The following THADA variants were observed in gnomAD, a reference collection of about 807,000 sequenced individuals.
THADA encodes tRNA (32-2'-O)-methyltransferase regulator THADA.
In THADA, 213 loss-of-function variants were observed where a neutral mutation model predicts 219.8. The ratio of observed to expected loss-of-function variants is 0.97; its 90% CI spans 0.87 to 1.09. The LOEUF (loss-of-function observed/expected upper bound fraction) is 1.09, where lower values mean the gene tolerates loss of function less well. THADA is among the 50% of genes least tolerant of loss of function. The probability of loss-of-function intolerance (pLI) is 0.00; values close to 1 mark genes in which losing one functional copy is unlikely to be tolerated. For synonymous variants in THADA, 1,018 were observed against 828.9 expected (o/e 1.23, Z -3.92); for missense variants, 2,956 against 2,311.3 (o/e 1.28, Z -5.72).
At chr2:43,588,846 A>G (rs1009137918) in intron 4 of THADA, among the ~76,000 whole-genome samples, 2 of 152,142 alleles carry the variant, frequency 1.3e-5, no homozygotes, top group East Asian at 3.8e-4. Context: ...ATACACATAT[A>G]TAATTATATA....
At chr2:43,594,810 C>G (rs1468811274) in intron 1 of THADA, among the ~76,000 whole-genome samples, 1 of 152,116 alleles carries the variant, frequency 6.6e-6, no homozygotes, top group Non-Finnish European at 1.5e-5. Flanking sequence ...AAGACTGACT[C>G]CTTCTCACCA....
chr2:43,267,556 G>C (rs1671661408), intron 36 of THADA, among the ~76,000 whole-genome samples: 2 of 152,204 alleles, frequency 1.3e-5, no homozygotes, highest in South Asian at 4.1e-4. Flanking sequence ...CTTTGGCTGA[G>C]ATCTGTGGCA....
intron 25 of THADA, among the ~76,000 whole-genome samples, chr2:43,495,633 AT>A (rs1688175941): frequency 1.3e-5 from 2 of 152,298 alleles, no homozygotes; most frequent in South Asian, 4.2e-4. Context: ...CAAAAAAAAA[AT>A]GAATCACTCA....
chr2:43,483,617 T>C (rs1686517022), intron 26 of THADA, among the ~76,000 whole-genome samples: 1 of 152,140 alleles, frequency 6.6e-6, no homozygotes, highest in South Asian at 2.1e-4. Context: ...GGAATAAATT[T>C]ATAATGGAGG....
At chr2:43,397,002 T>C (rs1674139267) in intron 29 of THADA, among the ~76,000 whole-genome samples, 1 of 152,154 alleles carries the variant, frequency 6.6e-6, no homozygotes, top group Non-Finnish European at 1.5e-5. Context: ...GTTGTATGTA[T>C]TAATTTCCTT....
intron 28 of THADA, among the ~76,000 whole-genome samples, chr2:43,398,767 G>C (rs1352840078): frequency 6.6e-6 from 1 of 152,140 alleles, no homozygotes; most frequent in East Asian, 1.9e-4. Context: ...ATAACGCAGA[G>C]GTTCATGAAT....
chr2:43,241,519 C>A (rs1260006106), intron 36 of THADA, among the ~76,000 whole-genome samples: 5 of 148,604 alleles, frequency 3.4e-5, no homozygotes, highest in Non-Finnish European at 7.5e-5. Flanking sequence ...TCCCTTTGCA[C>A]CCCTGTCTGG....
chr2:43,238,626 A>G (rs1227431777), intron 36 of THADA, among the ~76,000 whole-genome samples: 1 of 152,222 alleles, frequency 6.6e-6, no homozygotes, highest in African/African-American at 2.4e-5. Context: ...TAAGAGAGAG[A>G]AAAAAGACAC....
intron 10 of THADA, among the ~76,000 whole-genome samples, chr2:43,576,238 T>A (rs1164493562): frequency 6.6e-6 from 1 of 152,250 alleles, no homozygotes; most frequent in East Asian, 1.9e-4. Flanking sequence ...TAAAAAATTA[T>A]TTTAGTTTTC....
At chr2:43,511,845 C>T (rs1428334149) in intron 22 of THADA, among the ~76,000 whole-genome samples, 1 of 152,086 alleles carries the variant, frequency 6.6e-6, no homozygotes, top group African/African-American at 2.4e-5. Flanking sequence ...CATGGAAGGG[C>T]TGGAATCTGA....
intron 28 of THADA, among the ~76,000 whole-genome samples, chr2:43,402,337 G>C (rs1414964119): frequency 3.9e-5 from 6 of 152,172 alleles, no homozygotes; most frequent in Admixed American, 2.0e-4. Flanking sequence ...GCAGAGCTGA[G>C]ACAATTTTCT....
chr2:43,441,566 G>A (rs1345429945), intron 26 of THADA, among the ~76,000 whole-genome samples: 1 of 152,194 alleles, frequency 6.6e-6, no homozygotes, highest in African/African-American at 2.4e-5. Flanking sequence ...AAGGTCTACT[G>A]TAGACTCTAC....
chr2:43,545,913 T>C (rs1227439629), intron 20 of THADA, among the ~76,000 whole-genome samples: 3 of 152,152 alleles, frequency 2.0e-5, no homozygotes, highest in African/African-American at 7.2e-5. Flanking sequence ...TGCCTTCTGC[T>C]AGCTTTTGAA....
At chr2:43,581,051 G>C (rs1012297583) in intron 8 of THADA, among the ~76,000 whole-genome samples, 2 of 152,142 alleles carry the variant, frequency 1.3e-5, no homozygotes, top group African/African-American at 2.4e-5. Context: ...TAGAATGGGA[G>C]GTGAAGAGAG....
At chr2:43,261,619 G>A (rs1042155884) in intron 36 of THADA, among the ~76,000 whole-genome samples, 6 of 148,094 alleles carry the variant, frequency 4.1e-5, no homozygotes, top group African/African-American at 1.5e-4. Flanking sequence ...TGCCACTAAT[G>A]CCTGGCTATT....
chr2:43,508,383 C>T (rs946862116), intron 23 of THADA, among the ~76,000 whole-genome samples: 1 of 152,088 alleles, frequency 6.6e-6, no homozygotes, highest in South Asian at 2.1e-4. Flanking sequence ...ACAGTGATGT[C>T]TGCCTACTTA....
intron 28 of THADA, among the ~76,000 whole-genome samples, chr2:43,403,354 T>C (rs17030752): frequency 0.22 from 33,653 of 152,162 alleles, 3,887 homozygotes; most frequent in South Asian, 0.3. Context: ...ATGCTGATAA[T>C]AGCTAACATC....
chr2:43,467,745 C>A (rs1292685222), intron 26 of THADA, among the ~76,000 whole-genome samples: 5 of 152,162 alleles, frequency 3.3e-5, no homozygotes, highest in African/African-American at 1.2e-4. Context: ...AGCTTGACAA[C>A]AGTCTTAAAA....
At chr2:43,367,584 A>C (rs1670307697) in intron 29 of THADA, among the ~76,000 whole-genome samples, 1 of 152,226 alleles carries the variant, frequency 6.6e-6, no homozygotes, top group African/African-American at 2.4e-5. Context: ...TTATCAAAAC[A>C]AAAAACAAAA....
Sources: gnomAD v4.1 joint callset for allele counts (sites outside exome capture counted in the v4.1 genomes callset) on GRCh38, gnomAD v4.1.1 for gene constraint, MANE v1.5 for transcripts, NCBI Gene and HGNC (gene_info 2026-07-23, HGNC 2026-07-21) for gene names.